The following DTNA variants were observed in gnomAD, a reference collection of about 807,000 sequenced individuals.
DTNA encodes the protein dystrophin-related protein 3.
A neutral mutation model predicts 100.7 loss-of-function variants in DTNA; 43 were observed. The observed-to-expected ratio is 0.43, with a 90% CI of 0.33 to 0.55. The LOEUF (loss-of-function observed/expected upper bound fraction) is 0.55. Among genes scored for constraint, DTNA ranks in the 20% least tolerant of loss-of-function variants. DTNA has a pLI of 0.04. For missense variants in DTNA, 798 were observed against 953.9 expected, an observed-to-expected ratio of 0.84 and a Z score of 2.15; for synonymous variants, 349 against 347.9, an observed-to-expected ratio of 1.00 and a Z score of -0.04.
intron 3 of DTNA, among the ~76,000 whole-genome samples, chr18:34,771,895 A>G (rs2148623020): frequency 6.6e-6 from 1 of 152,076 alleles, no homozygotes; most frequent in South Asian, 2.1e-4. Flanking sequence ...CTACCATAAC[A>G]TTATTTCCTT....
chr18:34,631,192 A>G (rs1027210165), intron 1 of DTNA, among the ~76,000 whole-genome samples: 1 of 152,224 alleles, frequency 6.6e-6, no homozygotes, highest in Non-Finnish European at 1.5e-5. Flanking sequence ...TTATAATTCT[A>G]CCACTTAGTA....
chr18:34,809,666 G>A (rs2095442891), intron 5 of DTNA, among the ~76,000 whole-genome samples: 1 of 152,154 alleles, frequency 6.6e-6, no homozygotes, highest in Non-Finnish European at 1.5e-5. Context: ...ATAGGGTTGA[G>A]AGATATTTAG....
chr18:34,728,359 C>T (rs1904804), intron 1 of DTNA, among the ~76,000 whole-genome samples: 16,605 of 152,020 alleles, frequency 0.11, 1,269 homozygotes, highest in African/African-American at 0.21. Flanking sequence ...GCTCCTCCTG[C>T]TGCAGGTTTG....
At chr18:34,717,891 A>G (rs2084374446) in intron 1 of DTNA, among the ~76,000 whole-genome samples, 1 of 152,212 alleles carries the variant, frequency 6.6e-6, no homozygotes, top group Non-Finnish European at 1.5e-5. Flanking sequence ...AGCACAGAAA[A>G]TAGACTAGTG....
intron 19 of DTNA, among the ~76,000 whole-genome samples, chr18:34,878,797 A>C (rs2096843667): frequency 6.6e-6 from 1 of 152,218 alleles, no homozygotes. Flanking sequence ...ACCAGTCACT[A>C]ATACATCTCC....
At chr18:34,799,181 A>G (rs1383104599) in intron 4 of DTNA, among the ~76,000 whole-genome samples, 1 of 152,216 alleles carries the variant, frequency 6.6e-6, no homozygotes, top group Non-Finnish European at 1.5e-5. Flanking sequence ...CTACAAGTCC[A>G]TCACATAATA....
At position 34,795,665 on chromosome 18, in the gene DTNA, G is replaced by GT. The variant is rs1342765254; in HGVS notation, c.362+1416dup. Among the ~76,000 whole-genome samples the GT allele has an allele frequency of 2.6e-5, 4 of 152,166 alleles. No homozygotes were observed. In the East Asian group the frequency reaches 7.7e-4, roughly 29 times the overall value. On this transcript the variant is annotated intron_variant, in intron 4 of 22. Transcript: ENST00000444659. ...GTCAAGAGACTTATTTGTTAGAAATGTAACAATGGAAACTGCAAAAAGAGA... is the reference window on the plus strand; with the variant it reads ...GTCAAGAGACTTATTTGTTAGAAATGTTAACAATGGAAACTGCAAAAAGAGA...
intron 1 of DTNA, among the ~76,000 whole-genome samples, chr18:34,564,310 T>C (rs556220369): frequency 1.1e-4 from 17 of 152,204 alleles, no homozygotes; most frequent in East Asian, 7.8e-4. Context: ...GTCCAGCTAC[T>C]TTTTTGTATT....
At chr18:34,644,952 T>G (rs2059673658) in intron 1 of DTNA, among the ~76,000 whole-genome samples, 1 of 152,178 alleles carries the variant, frequency 6.6e-6, no homozygotes, top group South Asian at 2.1e-4. Flanking sequence ...TTCAAAATAG[T>G]GAATTCATGC....
rs147521083 is a variant in DTNA, at chr18:34,883,020, G to C, written c.2295+819G>C. 5.3e-3 allele frequency among the ~76,000 whole-genome samples: 803 copies of C among 152,298 alleles called. 9 individuals carry two copies. Among genetic ancestry groups the C allele is most frequent in the African/African-American group, 0.019 (777 of 41,564 alleles). The stretch of plus-strand genomic sequence containing the variant: ...CGGACAGATTTTCAGATGTACTGGA[G>C]TATGTTAGCCACCTGAAAATTCACT... On this transcript the variant is annotated intron_variant, in intron 21 of 22. Coordinates refer to ENST00000444659, the MANE Select transcript of DTNA (RefSeq NM_001386795.1).
intron 3 of DTNA, among the ~76,000 whole-genome samples, chr18:34,775,054 C>G (rs1184174962): frequency 1.3e-5 from 2 of 152,220 alleles, no homozygotes; most frequent in African/African-American, 2.4e-5. Context: ...CCTGAGCAAT[C>G]CCATGCATAA....
At chr18:34,543,663 T>A (rs1184845343) in intron 1 of DTNA, among the ~76,000 whole-genome samples, 1 of 152,110 alleles carries the variant, frequency 6.6e-6, no homozygotes, top group African/African-American at 2.4e-5. Context: ...TTCTGGAATA[T>A]AGCAAGCCCA....
intron 1 of DTNA, among the ~76,000 whole-genome samples, chr18:34,753,733 G>A (rs1324728582): frequency 1.3e-5 from 2 of 152,070 alleles, no homozygotes; most frequent in Non-Finnish European, 2.9e-5. Context: ...CACAGATCCA[G>A]GAACACATCA....
At chr18:34,683,402 T>C (rs1426303945) in intron 1 of DTNA, 1 of 152,228 alleles carries the variant, frequency 6.6e-6, no homozygotes. Context: ...CACTTAGTTA[T>C]TTTAAATGGA....
intron 1 of DTNA, among the ~76,000 whole-genome samples, chr18:34,701,516 A>G (rs530433271): frequency 6.6e-6 from 1 of 152,060 alleles, no homozygotes; most frequent in East Asian, 1.9e-4. Flanking sequence ...TCTTCCCAGG[A>G]CTTAAAAAAA....
Position 34,579,334 on chromosome 18 carries a change from G to A in DTNA, c.-2+85820G>A, listed in dbSNP as rs2685551. On this transcript the variant is annotated intron_variant, in intron 1 of 19. Coordinates refer to the DTNA transcript ENST00000283365. ...TGATAGATATGTAGGTAGGTAGACA[G>A]ATGGTAATTTTTTAAAAGGTCTTTT... Among the ~76,000 whole-genome samples the A allele has an allele frequency of 1.5e-3, 230 of 152,294 alleles. 3 individuals carry two copies. The highest frequency in any genetic ancestry group is 5.3e-3 in the African/African-American group (221 of 41,568).
chr18:34,555,757 C>G (rs921899717), intron 1 of DTNA, among the ~76,000 whole-genome samples: 13 of 152,204 alleles, frequency 8.5e-5, no homozygotes, highest in African/African-American at 2.9e-4. Flanking sequence ...GTTATTATCT[C>G]TGTTCTTTTA....
chr18:34,679,814 T>C (rs2077838169), intron 1 of DTNA, among the ~76,000 whole-genome samples: 1 of 152,162 alleles, frequency 6.6e-6, no homozygotes, highest in Non-Finnish European at 1.5e-5. Flanking sequence ...ATTGTTATTA[T>C]TATTATTATC....
At chr18:34,794,620 G>A (rs996253322) in intron 4 of DTNA, among the ~76,000 whole-genome samples, 3 of 152,144 alleles carry the variant, frequency 2.0e-5, no homozygotes, top group Non-Finnish European at 4.4e-5. Flanking sequence ...AATTGTTTAA[G>A]ACAGTGTTTC....
Sources: gnomAD v4.1 joint callset for allele counts (sites outside exome capture counted in the v4.1 genomes callset) on GRCh38, gnomAD v4.1.1 for gene constraint, MANE v1.5 for transcripts, NCBI Gene and HGNC (gene_info 2026-07-23, HGNC 2026-07-21) for gene names.